SHBG: variants seen among roughly 807,000 people sequenced by gnomAD.
The protein encoded by SHBG is sex hormone binding globulin.
SHBG carries 37 observed loss-of-function variants against 41.9 expected under a neutral mutation model. That is an observed-to-expected ratio of 0.88 (90% CI 0.68 to 1.16). The LOEUF is 1.16. SHBG is among the 50% of genes most tolerant of loss of function. The pLI is 0.00. For synonymous variants in SHBG, 217 were observed against 205.8 expected (o/e 1.05, Z -0.47); for missense variants, 466 against 499.9 (o/e 0.93, Z 0.65).
At chr17:7,620,109 T>G (rs2072063472) in intron 1 of SHBG, among the ~76,000 whole-genome samples, 1 of 143,448 alleles carries the variant, frequency 7.0e-6, no homozygotes, top group Admixed American at 7.1e-5. Flanking sequence ...TAAAGACTCC[T>G]TATCCCTCTC....
chr17:7,630,192 T>G lies in SHBG; in HGVS notation c.20T>G (p.Leu7Arg). Residue 7 changes from leucine (L) to arginine (R), a missense_variant, in exon 1 of 8, where the codon CTG becomes CGG. Leu to Arg is a moderately radical substitution (Grantham distance 102, BLOSUM62 -2). Transcript: ENST00000380450. This position sits in a 1 kb window ranked among gnomAD's most constrained non-coding sequence, Gnocchi z 4.6. The stretch of plus-strand genomic sequence containing the variant: ...CTGATTATGGAGAGCAGAGGCCCAC[T>G]GGCTACCTCGCGCCTGCTGCTGTTG... The part of the protein sequence containing the change: MESRGP[L>R]ATSRLLLLLL... The G allele has an allele frequency of 6.2e-7, 1 of 1,613,988 alleles. No individual in the cohort carries two copies. Among genetic ancestry groups the G allele is most frequent in the South Asian group, 1.1e-5 (1 of 91,062 alleles).
chr17:7,627,646 G>A, upstream of SHBG: 2 of 1,613,918 alleles, frequency 1.2e-6, no homozygotes, highest in South Asian at 2.2e-5. The surrounding 1 kb of genome is among the most constrained non-coding windows in gnomAD (Gnocchi z 4.8). Flanking sequence ...CCGGATCCCC[G>A]CTGTCTGGGA....
At chr17:7,631,463 G>C in intron 4 of SHBG, 102 bp downstream of exon 4, 1 of 1,566,272 alleles carries the variant, frequency 6.4e-7, no homozygotes, top group East Asian at 2.2e-5. Context: ...GAGAAGGGAA[G>C]GGTTGAGAGC....
Position 7,630,988 on chromosome 17 carries a change from C to A in SHBG, c.393+119C>A. 7 of 1,033,012 alleles carry A rather than the reference C, an allele frequency of 6.8e-6. No individual in the cohort carries two copies. The South Asian group carries it at 1.0e-4, about 15-fold the overall frequency. 64.0% of individuals were successfully genotyped at this position (1,033,012 alleles called of 1,614,324 possible). A position where few individuals can be genotyped will look rare whatever the true frequency, so the allele number is the denominator to read the frequency against. ...CATCTCGTTTAATCCACACGAACCC[C>A]CACAAAGTAGCTATTCTTGGCCCCA... On this transcript the variant is annotated intron_variant, in intron 3 of 7. Transcript: ENST00000380450. This position sits in a 1 kb window ranked among gnomAD's most constrained non-coding sequence, Gnocchi z 4.6.
upstream of SHBG, chr17:7,627,053 G>A (rs978666717): frequency 1.2e-6 from 2 of 1,613,630 alleles, no homozygotes; most frequent in East Asian, 2.2e-5. This position sits in a 1 kb window ranked among gnomAD's most constrained non-coding sequence, Gnocchi z 4.8. Context: ...CCCTGAGAGA[G>A]AGAAAAGGGG....
intron 1 of SHBG, among the ~76,000 whole-genome samples, chr17:7,618,073 G>C (rs567185141): frequency 2.6e-5 from 4 of 151,820 alleles, no homozygotes; most frequent in Non-Finnish European, 5.9e-5. Context: ...ATAAAAATTA[G>C]CCACACGTGG....
chr17:7,632,000 C>T lies in SHBG; in HGVS notation c.837C>T (p.Leu279=). ...CAGAGAACCCATCTTGGCTCAGTCT[C>T]CACCTCCAAGATCAAGTAAAGGGGG... ...GTPENPSWLS[L]HLQDQKVVLS... The change falls in exon 6 of 8, where the codon CTC becomes CTT. Residue 279 remains leucine (L), a synonymous_variant. Coordinates refer to ENST00000380450, the MANE Select transcript of SHBG (RefSeq NM_001040.5). The T allele has an allele frequency of 6.2e-7, 1 of 1,613,804 alleles. No homozygotes were observed. The highest frequency in any genetic ancestry group is 1.3e-5 in the African/African-American group (1 of 75,010).
rs766280874 is a variant in SHBG at position 7,631,281 on chromosome 17, C to A, written c.475C>A (p.Pro159Thr). 6.8e-6 allele frequency: 11 copies of A among 1,613,184 alleles called. No individual in the cohort carries two copies. The highest frequency in any genetic ancestry group is 6.8e-6 in the Non-Finnish European group (8 of 1,179,674). Residue 159 changes from proline to threonine, a missense_variant, in exon 4 of 8, where the codon CCC becomes ACC. Coordinates refer to ENST00000380450, the MANE Select transcript of SHBG (RefSeq NM_001040.5). ...GCTGCGCCTGAGACAGGTCTCTGGG[C>A]CCCTGACCAGCAAACGCCATCCCAT... is the stretch of plus-strand genomic sequence containing the variant. The part of the protein sequence containing the change: ...EVLRLRQVSG[P>T]LTSKRHPIMR...
At chr17:7,619,131 C>T (rs910695146) in intron 1 of SHBG, among the ~76,000 whole-genome samples, 5 of 152,238 alleles carry the variant, frequency 3.3e-5, no homozygotes, top group African/African-American at 9.6e-5. Context: ...TGGCTCACAC[C>T]TGTAATCCCA....
At chr17:7,615,831 C>A in intron 1 of SHBG, among the ~76,000 whole-genome samples, 1 of 136,112 alleles carries the variant, frequency 7.3e-6, no homozygotes. Context: ...AAGACTCAGT[C>A]TCAAAAAAAA....
At chr17:7,627,275 T>G, upstream of SHBG, 1 of 1,612,340 alleles carries the variant, frequency 6.2e-7, no homozygotes, top group Non-Finnish European at 8.5e-7. This position sits in a 1 kb window ranked among gnomAD's most constrained non-coding sequence, Gnocchi z 4.8. Context: ...AGGACGTGGG[T>G]GTATGCCCAG....
At position 7,630,801 on chromosome 17, in the gene SHBG, C is replaced by A; in HGVS notation, c.325C>A (p.Leu109Met). The A allele has an allele frequency of 1.9e-6, 3 of 1,614,086 alleles. No individual in the cohort carries two copies. Among genetic ancestry groups the A allele is most frequent in the Non-Finnish European group, 2.5e-6 (3 of 1,180,016 alleles). Residue 109 changes from leucine (L) to methionine (M), a missense_variant, in exon 3 of 8, where the codon CTG becomes ATG. Leu to Met is a conservative substitution (Grantham distance 15, BLOSUM62 2). Coordinates refer to ENST00000380450, the MANE Select transcript of SHBG (RefSeq NM_001040.5). This position sits in a 1 kb window ranked among gnomAD's most constrained non-coding sequence, Gnocchi z 4.6. Reference protein sequence around the residue: ...GLRDGRPEIQLHNHWAQLTVG... With the variant: ...GLRDGRPEIQMHNHWAQLTVG... ...TCGAGACGGCAGGCCTGAGATCCAA[C>A]TGCACAATCACTGGGCCCAGCTTAC...
At chr17:7,628,228 C>T, upstream of SHBG, 1 of 300,664 alleles carries the variant, frequency 3.3e-6, no homozygotes. Flanking sequence ...CTCTTGGGGG[C>T]ATTTGCATTT....
At chr17:7,616,185 A>G (rs2071983182) in intron 1 of SHBG, among the ~76,000 whole-genome samples, 14 of 151,232 alleles carry the variant, frequency 9.3e-5, no homozygotes. Flanking sequence ...AGCTACTCGG[A>G]AGGAGTCCCA....
chr17:7,620,054 G>C (rs1463197081), intron 1 of SHBG, among the ~76,000 whole-genome samples: 1 of 149,118 alleles, frequency 6.7e-6, no homozygotes, highest in Non-Finnish European at 1.5e-5. Flanking sequence ...TCGTGCCACT[G>C]TACTCCAGTC....
At chr17:7,615,140 A>C (rs2150952164) in intron 1 of SHBG, among the ~76,000 whole-genome samples, 1 of 151,814 alleles carries the variant, frequency 6.6e-6, no homozygotes, top group East Asian at 2.0e-4. Flanking sequence ...AACACTGAGA[A>C]CCAACCAATC....
chr17:7,629,473 A>T (rs1020486346), upstream of SHBG, among the ~76,000 whole-genome samples: 1 of 151,878 alleles, frequency 6.6e-6, no homozygotes, highest in Non-Finnish European at 1.5e-5. Flanking sequence ...TAATAAATGG[A>T]TAAGGGAAGA....
intron 1 of SHBG, chr17:7,614,152 C>G: frequency 1.6e-6 from 1 of 619,596 alleles, no homozygotes; most frequent in Non-Finnish European, 3.0e-6. Flanking sequence ...CAATTAGAAG[C>G]TGGGTAAAGG....
chr17:7,632,088 A>C, intron 6 of SHBG, 73 bp downstream of exon 6: 3 of 1,472,308 alleles, frequency 2.0e-6, no homozygotes, highest in Non-Finnish European at 2.8e-6. Context: ...GGAGTCCAAC[A>C]TGTCAATATT....
Sources: allele counts gnomAD v4.1 joint callset (sites outside exome capture counted in the v4.1 genomes callset), GRCh38; gene constraint gnomAD v4.1.1; non-coding constraint Gnocchi (gnomAD v3.1); transcripts MANE v1.5; gene names NCBI Gene and HGNC (gene_info 2026-07-23, HGNC 2026-07-21).